DMXL1: variants seen among roughly 807,000 people sequenced by gnomAD.
DMXL1 encodes dmX-like protein 1.
A neutral mutation model predicts 319.2 loss-of-function variants in DMXL1; 99 were observed. That is an observed-to-expected ratio of 0.31 (90% CI 0.26 to 0.37). The LOEUF is 0.37. Ranked by LOEUF, DMXL1 falls within the 10% of genes least tolerant of loss-of-function variation. The pLI is 1.00. For missense variants in DMXL1, 3,745 were observed against 3,595.6 expected, an observed-to-expected ratio of 1.04 and a Z score of -1.06; for synonymous variants, 1,385 against 1,235.2, an observed-to-expected ratio of 1.12 and a Z score of -2.54.
At chr5:119,077,243 A>T (rs1056509265) in intron 1 of DMXL1, among the ~76,000 whole-genome samples, 1 of 148,862 alleles carries the variant, frequency 6.7e-6, no homozygotes, top group Non-Finnish European at 1.5e-5. Context: ...CCTCCCTGTG[A>T]TTACAGGTGT....
At chr5:119,090,427 C>T (rs1457933010) in intron 1 of DMXL1, among the ~76,000 whole-genome samples, 1 of 151,916 alleles carries the variant, frequency 6.6e-6, no homozygotes, top group Non-Finnish European at 1.5e-5. Context: ...TCTGTTACTT[C>T]TTTGGATAAG....
chr5:119,221,505 T>C (rs1434086924), intron 37 of DMXL1, among the ~76,000 whole-genome samples: 1 of 152,144 alleles, frequency 6.6e-6, no homozygotes, highest in Non-Finnish European at 1.5e-5. Flanking sequence ...CACATGAAAA[T>C]TACATGAAAC....
intron 26 of DMXL1, among the ~76,000 whole-genome samples, chr5:119,175,983 A>G (rs970204085): frequency 1.2e-4 from 19 of 152,064 alleles, no homozygotes; most frequent in African/African-American, 4.6e-4. Flanking sequence ...AGATATTGCA[A>G]CTTCTGGGTC....
At chr5:119,212,545 G>GT (rs1475571579) in intron 34 of DMXL1, among the ~76,000 whole-genome samples, 1 of 152,118 alleles carries the variant, frequency 6.6e-6, no homozygotes, top group African/African-American at 2.4e-5. Context: ...TCTGCTTTCA[G>GT]TTTTTTGGGG....
intron 20 of DMXL1, among the ~76,000 whole-genome samples, 156 bp from the exon 21 acceptor site, chr5:119,165,027 T>C (rs116735228): frequency 1.1e-3 from 164 of 152,212 alleles, no homozygotes; most frequent in African/African-American, 3.3e-3. Flanking sequence ...AAGTCACTTT[T>C]GTTATTATTT....
intron 35 of DMXL1, 111 bp from the exon 36 acceptor site, chr5:119,220,361 C>A: frequency 1.1e-6 from 1 of 891,190 alleles, no homozygotes; most frequent in Admixed American, 2.7e-5. Flanking sequence ...ATATCCTGTA[C>A]TTTAGTTATC....
chr5:119,155,837 A>C (rs1039594699), intron 19 of DMXL1, among the ~76,000 whole-genome samples: 2 of 151,854 alleles, frequency 1.3e-5, no homozygotes, highest in Non-Finnish European at 2.9e-5. Flanking sequence ...AAAAAAAAAA[A>C]AAAAAAACAA....
chr5:119,110,217 C>G lies in DMXL1; in HGVS notation c.431C>G (p.Thr144Ser). ...LWSNTNLEKP[T>S]EDENLNKTDL... ...TCCAATACTAACTTGGAGAAGCCAA[C>G]TGAAGATGAAAATTTAAATAAAACA... The change falls in exon 5 of 44, where the codon ACT (threonine) becomes AGT (serine). Residue 144 changes from threonine (T) to serine (S), a missense_variant. Thr to Ser is a moderately conservative substitution (Grantham distance 58, BLOSUM62 1). Coordinates refer to ENST00000539542, the MANE Select transcript of DMXL1 (RefSeq NM_001290321.3). The G allele has an allele frequency of 6.3e-7, 1 of 1,587,980 alleles. No individual in the cohort carries two copies. The highest frequency in any genetic ancestry group is 8.5e-7 in the Non-Finnish European group (1 of 1,172,958).
chr5:119,171,386 C>A, intron 24 of DMXL1, 106 bp downstream of exon 24: 2 of 1,193,700 alleles, frequency 1.7e-6, no homozygotes, highest in Non-Finnish European at 2.3e-6. Flanking sequence ...ATTACGGTTG[C>A]TTTAGGGAAA....
chr5:119,072,708 G>A (rs1442805000), intron 1 of DMXL1, among the ~76,000 whole-genome samples: 1 of 152,148 alleles, frequency 6.6e-6, no homozygotes, highest in Non-Finnish European at 1.5e-5. Flanking sequence ...AATGGTGGAG[G>A]CATTTAATGC....
At chr5:119,174,484 T>G (rs1775397366) in intron 25 of DMXL1, among the ~76,000 whole-genome samples, 1 of 152,240 alleles carries the variant, frequency 6.6e-6, no homozygotes, top group African/African-American at 2.4e-5. Flanking sequence ...AATTATATAA[T>G]ATCTTTTAAT....
In DMXL1 at chr5:119,083,745, A is replaced by G. The variant is rs191534485; in HGVS notation, c.87+12089A>G. Reference sequence around the variant, plus strand: ...TAGTAGAGATGGGGTTTTATGTGAGACAGGCTGGTCTCAAACTCCTGGCCT... The same window carrying G: ...TAGTAGAGATGGGGTTTTATGTGAGGCAGGCTGGTCTCAAACTCCTGGCCT... On this transcript the variant is annotated intron_variant, in intron 1 of 43. Coordinates refer to ENST00000539542, the MANE Select transcript of DMXL1 (RefSeq NM_001290321.3). Among the ~76,000 whole-genome samples, 311 of 150,604 alleles carry G rather than the reference A, an allele frequency of 2.1e-3. 7 individuals are homozygous for G. The highest frequency in any genetic ancestry group is 0.02 in the Admixed American group (299 of 15,174).
At chr5:119,184,059 C>CTTTTTTTTTTTTT (rs1404022848) in intron 28 of DMXL1, among the ~76,000 whole-genome samples, 2,813 of 139,802 alleles carry the variant, frequency 0.02, 159 homozygotes, top group African/African-American at 0.074. Context: ...GTTTTCTTCT[C>CTTTTTTTTTTTTT]TTTTTTTTTT....
intron 9 of DMXL1, among the ~76,000 whole-genome samples, chr5:119,127,526 C>T (rs138555897): frequency 6.6e-6 from 1 of 152,268 alleles, no homozygotes; most frequent in East Asian, 1.9e-4. Flanking sequence ...GCAACTTCTG[C>T]CTCCTGGCTT....
In DMXL1 at chr5:119,129,347, T is replaced by A. The variant is rs1446952704; in HGVS notation, c.1239T>A (p.Leu413=). Residue 413 remains leucine (L), a synonymous_variant, in exon 10 of 44, where the codon CTT becomes CTA. Coordinates refer to ENST00000539542, the MANE Select transcript of DMXL1 (RefSeq NM_001290321.3). ...TLSMEVFLQQ[L]RKSFEQPSSE... ...CCATGGAAGTTTTTTTACAGCAACT[T>A]AGAAAAAGTTTTGAACAACCATCTT... is the stretch of plus-strand genomic sequence containing the variant. The A allele has an allele frequency of 6.2e-7, 1 of 1,613,878 alleles. No homozygotes were observed. Among genetic ancestry groups the A allele is most frequent in the Non-Finnish European group, 8.5e-7 (1 of 1,179,906 alleles).
At chr5:119,198,940 A>G (rs890772941) in intron 32 of DMXL1, among the ~76,000 whole-genome samples, 1 of 152,112 alleles carries the variant, frequency 6.6e-6, no homozygotes, top group Non-Finnish European at 1.5e-5. Context: ...AGGCTGGAGT[A>G]GAGTGGCACA....
At chr5:119,142,049 G>A (rs891318528) in intron 13 of DMXL1, among the ~76,000 whole-genome samples, 2 of 152,140 alleles carry the variant, frequency 1.3e-5, no homozygotes, top group African/African-American at 4.8e-5. Flanking sequence ...TGGCAGAATT[G>A]GCTAGCCATA....
At chr5:119,121,708 G>A (rs1274446950) in intron 9 of DMXL1, among the ~76,000 whole-genome samples, 1 of 152,214 alleles carries the variant, frequency 6.6e-6, no homozygotes, top group Non-Finnish European at 1.5e-5. Context: ...GCAACCATCC[G>A]ATTTCTCAAT....
intron 35 of DMXL1, among the ~76,000 whole-genome samples, chr5:119,219,836 A>G (rs1784351951): frequency 6.6e-6 from 1 of 152,180 alleles, no homozygotes; most frequent in East Asian, 1.9e-4. Context: ...CTAAAGTGCT[A>G]GGATTATAGA....
Sources: allele counts gnomAD v4.1 joint callset (sites outside exome capture counted in the v4.1 genomes callset), GRCh38; gene constraint gnomAD v4.1.1; transcripts MANE v1.5; gene names NCBI Gene and HGNC (gene_info 2026-07-23, HGNC 2026-07-21).